The following CNTN4 variants were observed in gnomAD, a reference collection of about 807,000 sequenced individuals.
The protein encoded by CNTN4 is contactin-4.
A neutral mutation model predicts 122.5 loss-of-function variants in CNTN4; 77 were observed. The observed-to-expected ratio is 0.63, with a 90% confidence interval of 0.52 to 0.76. The LOEUF is 0.76. Ranked by LOEUF, CNTN4 falls within the 30% of genes least tolerant of loss-of-function variation. CNTN4 has a pLI of 0.00. For missense variants in CNTN4, 1,256 were observed against 1,259.1 expected (o/e 1.00, Z 0.04); for synonymous variants, 512 against 447.0 (o/e 1.15, Z -1.83).
intron 4 of CNTN4, among the ~76,000 whole-genome samples, chr3:2,642,901 A>T (rs1239274203): frequency 1.3e-5 from 2 of 152,204 alleles, no homozygotes; most frequent in African/African-American, 4.8e-5. Flanking sequence ...ACCAACAGAT[A>T]GGCTGTGTGA....
At chr3:2,259,623 C>T (rs1266323583) in intron 2 of CNTN4, among the ~76,000 whole-genome samples, 2 of 151,952 alleles carry the variant, frequency 1.3e-5, no homozygotes, top group Non-Finnish European at 2.9e-5. Flanking sequence ...GAGCGCCAAG[C>T]AAAAAGGGAA....
intron 12 of CNTN4, among the ~76,000 whole-genome samples, chr3:2,917,265 C>CAGCTA (rs1381952588): frequency 2.8e-4 from 42 of 151,288 alleles, no homozygotes; most frequent in African/African-American, 1.0e-3. Flanking sequence ...AGTCCAGCTT[C>CAGCTA]GGCATCAGAG....
intron 7 of CNTN4, among the ~76,000 whole-genome samples, chr3:2,858,176 TG>T (rs902848759): frequency 6.6e-6 from 1 of 152,178 alleles, no homozygotes; most frequent in African/African-American, 2.4e-5. Context: ...TTTAAAACAG[TG>T]TTTCTCAGAG....
At chr3:2,502,279 G>A (rs901564958) in intron 3 of CNTN4, among the ~76,000 whole-genome samples, 28 of 152,094 alleles carry the variant, frequency 1.8e-4, no homozygotes, top group African/African-American at 6.8e-4. Context: ...GCTAAGGGTG[G>A]AGTTTTACTA....
At chr3:2,993,823 T>C (rs1446735693) in intron 14 of CNTN4, among the ~76,000 whole-genome samples, 4 of 152,216 alleles carry the variant, frequency 2.6e-5, no homozygotes, top group African/African-American at 9.6e-5. Context: ...GCTGGAAATT[T>C]CCACATGTCC....
rs1167862220 is a variant in CNTN4, at chr3:2,263,223, A to AGATTGTGAACTACATGTGGGCAAG, written c.-144-75952_-144-75929dup. ...ATATTTTAAAACACTGTTGCTGGGT[A>AGATTGTGAACTACATGTGGGCAAG]GATTGTGAACTACATGTGGGCAAGG... On this transcript the variant is annotated intron_variant, in intron 2 of 24. Coordinates refer to ENST00000418658, the MANE Select transcript of CNTN4 (RefSeq NM_175607.3). Among the ~76,000 whole-genome samples, 4 of 152,296 alleles carry AGATTGTGAACTACATGTGGGCAAG rather than the reference A, an allele frequency of 2.6e-5. No individual in the cohort carries two copies. In the East Asian group the frequency reaches 5.8e-4, roughly 22 times the overall value.
intron 3 of CNTN4, among the ~76,000 whole-genome samples, chr3:2,341,380 T>G (rs1489110046): frequency 6.6e-6 from 1 of 152,250 alleles, no homozygotes; most frequent in Non-Finnish European, 1.5e-5. Context: ...AGCCAGTGAT[T>G]GCATCTTCTT....
chr3:2,352,189 G>C (rs978228395), intron 3 of CNTN4, among the ~76,000 whole-genome samples: 2 of 151,844 alleles, frequency 1.3e-5, no homozygotes, highest in African/African-American at 4.8e-5. Flanking sequence ...AGGAGATTGA[G>C]ACCATCCTGG....
At chr3:2,424,848 G>C (rs988688169) in intron 3 of CNTN4, among the ~76,000 whole-genome samples, 37 of 152,158 alleles carry the variant, frequency 2.4e-4, no homozygotes, top group African/African-American at 8.0e-4. Flanking sequence ...GTGTCTGTTG[G>C]CTGCATAAAT....
At chr3:2,342,773 C>G (rs2044257324) in intron 3 of CNTN4, among the ~76,000 whole-genome samples, 1 of 152,202 alleles carries the variant, frequency 6.6e-6, no homozygotes, top group Non-Finnish European at 1.5e-5. Flanking sequence ...AAGTGTGAGT[C>G]AATTAAACCT....
intron 4 of CNTN4, among the ~76,000 whole-genome samples, chr3:2,578,945 A>G (rs1292560328): frequency 2.6e-5 from 4 of 152,258 alleles, no homozygotes; most frequent in Non-Finnish European, 5.9e-5. Flanking sequence ...TCTTTTCAAC[A>G]TAAATTTAAG....
At chr3:3,051,334 A>C (rs902619459) in intron 23 of CNTN4, among the ~76,000 whole-genome samples, 1 of 152,184 alleles carries the variant, frequency 6.6e-6, no homozygotes, top group Non-Finnish European at 1.5e-5. Context: ...GTTTGGTGTA[A>C]ATAAAGGCTT....
chr3:2,524,692 A>C (rs2077338628), intron 3 of CNTN4, among the ~76,000 whole-genome samples: 1 of 152,074 alleles, frequency 6.6e-6, no homozygotes, highest in African/African-American at 2.4e-5. Context: ...CTTTTTGTCC[A>C]TCTCCTCTGT....
chr3:2,972,295 C>T (rs541910516), intron 13 of CNTN4, among the ~76,000 whole-genome samples: 1 of 152,168 alleles, frequency 6.6e-6, no homozygotes, highest in Non-Finnish European at 1.5e-5. Context: ...AATGTTGCAG[C>T]TAACTCATAC....
intron 6 of CNTN4, among the ~76,000 whole-genome samples, chr3:2,754,563 C>T (rs1359124136): frequency 6.6e-6 from 1 of 151,738 alleles, no homozygotes; most frequent in South Asian, 2.1e-4. Context: ...ACATCTCTAC[C>T]CTCTGAGCAT....
chr3:2,484,439 G>C (rs1045815171), intron 3 of CNTN4, among the ~76,000 whole-genome samples: 19 of 152,182 alleles, frequency 1.2e-4, no homozygotes, highest in African/African-American at 4.6e-4. Context: ...GTGATGTGAT[G>C]CTTTGGGCTT....
chr3:2,099,045 C>G (rs1417211524), intron 1 of CNTN4, 67 bp downstream of exon 1: 1 of 152,508 alleles, frequency 6.6e-6, no homozygotes, highest in Non-Finnish European at 1.5e-5. Context: ...GGGACGCGGT[C>G]GCGGGTGTGG....
chr3:2,646,615 G>T (rs182542505), intron 4 of CNTN4, among the ~76,000 whole-genome samples: 12 of 152,302 alleles, frequency 7.9e-5, no homozygotes, highest in African/African-American at 2.9e-4. Flanking sequence ...ATTAGTAAGT[G>T]TAAGAGTGTT....
At chr3:2,164,245 C>T (rs2036096106) in intron 2 of CNTN4, among the ~76,000 whole-genome samples, 1 of 151,324 alleles carries the variant, frequency 6.6e-6, no homozygotes, top group East Asian at 1.9e-4. Flanking sequence ...AAAAAAACAA[C>T]AACAAAGTAT....
Sources: gnomAD v4.1 joint callset for allele counts (sites outside exome capture counted in the v4.1 genomes callset) on GRCh38, gnomAD v4.1.1 for gene constraint, MANE v1.5 for transcripts, NCBI Gene and HGNC (gene_info 2026-07-23, HGNC 2026-07-21) for gene names.